Variants in MAGI2 observed in about 807,000 individuals in gnomAD.
The protein encoded by MAGI2 is membrane associated guanylate kinase, WW and PDZ domain containing 2, also known as membrane-associated guanylate kinase, WW and PDZ domain-containing protein 2.
In MAGI2, 35 loss-of-function variants were observed where a neutral mutation model predicts 133.3. The observed-to-expected ratio is 0.26, with a 90% CI of 0.20 to 0.35. MAGI2 has a LOEUF of 0.35. Among genes scored for constraint, MAGI2 ranks in the 10% least tolerant of loss-of-function variants. The pLI is 1.00. For missense variants in MAGI2, 1,636 were observed against 1,863.4 expected (o/e 0.88, Z 2.25); for synonymous variants, 729 against 710.6 (o/e 1.03, Z -0.41).
At chr7:78,184,811 A>G (rs1827529027) in intron 13 of MAGI2, among the ~76,000 whole-genome samples, 1 of 152,236 alleles carries the variant, frequency 6.6e-6, no homozygotes, top group Non-Finnish European at 1.5e-5. Flanking sequence ...AAAGCTCTTA[A>G]AATTAAAATA....
At chr7:78,982,318 A>G (rs1251914959) in intron 2 of MAGI2, among the ~76,000 whole-genome samples, 2 of 151,934 alleles carry the variant, frequency 1.3e-5, no homozygotes. Context: ...CAAATTCTTC[A>G]TCTATCTAAG....
intron 2 of MAGI2, among the ~76,000 whole-genome samples, chr7:78,865,999 G>A (rs953883956): frequency 1.3e-5 from 2 of 152,040 alleles, no homozygotes; most frequent in African/African-American, 4.8e-5. Flanking sequence ...TTGACAATTT[G>A]TTTCTTAGAA....
At chr7:79,128,165 G>T (rs1820599416) in intron 1 of MAGI2, among the ~76,000 whole-genome samples, 3 of 151,868 alleles carry the variant, frequency 2.0e-5, no homozygotes, top group Admixed American at 2.0e-4. Context: ...CTATATCTCT[G>T]AAACTTAACC....
intron 6 of MAGI2, among the ~76,000 whole-genome samples, chr7:78,421,084 G>A (rs1798749671): frequency 6.6e-6 from 1 of 152,120 alleles, no homozygotes; most frequent in Non-Finnish European, 1.5e-5. Flanking sequence ...TGGAGCTGTT[G>A]GCCAAATGTG....
At chr7:79,287,069 G>A (rs556578457) in intron 1 of MAGI2, among the ~76,000 whole-genome samples, 1 of 152,184 alleles carries the variant, frequency 6.6e-6, no homozygotes, top group African/African-American at 2.4e-5. Flanking sequence ...TGGTGCAGGA[G>A]TTTCCTATCT....
chr7:79,299,588 C>T (rs1036849138), intron 1 of MAGI2, among the ~76,000 whole-genome samples: 3 of 137,788 alleles, frequency 2.2e-5, no homozygotes, highest in African/African-American at 7.9e-5. Context: ...TCTTTATTGT[C>T]CAAGGCATTC....
At chr7:78,441,832 C>A (rs1172340019) in intron 6 of MAGI2, among the ~76,000 whole-genome samples, 1 of 152,114 alleles carries the variant, frequency 6.6e-6, no homozygotes, top group Non-Finnish European at 1.5e-5. Context: ...GTTAGATATA[C>A]CTGTTGCAGA....
intron 6 of MAGI2, among the ~76,000 whole-genome samples, chr7:78,448,747 T>C (rs1310428466): frequency 6.6e-6 from 1 of 152,102 alleles, no homozygotes; most frequent in East Asian, 1.9e-4. Flanking sequence ...CATATATATT[T>C]ATGTGTAGGC....
chr7:79,375,598 T>C (rs1236593955), intron 1 of MAGI2, among the ~76,000 whole-genome samples: 1 of 134,154 alleles, frequency 7.5e-6, no homozygotes, highest in African/African-American at 3.0e-5. Flanking sequence ...GCCCATTTGG[T>C]CTTCAGGAAA....
In MAGI2 at chr7:78,208,949, G is replaced by A. The variant is rs927170987; in HGVS notation, c.2048-7756C>T. On this transcript the variant is annotated intron_variant, in intron 10 of 21. Transcript: ENST00000354212. ...TTTTAAGACAGGAACCTGGCCGGGCGCGGTGGCTCACGCCTGTAATCCCAG... is the reference window on the plus strand; with the variant it reads ...TTTTAAGACAGGAACCTGGCCGGGCACGGTGGCTCACGCCTGTAATCCCAG... Among the ~76,000 whole-genome samples, 15 of 151,860 alleles carry A rather than the reference G, an allele frequency of 9.9e-5. No individual in the cohort carries two copies. In the East Asian group the frequency reaches 9.9e-4, roughly 10 times the overall value.
rs1452302324 is a variant in MAGI2 at position 78,019,371 on chromosome 7, C to T, written c.4312G>A (p.Gly1438Ser). 2 of 1,445,470 alleles carry T rather than the reference C, an allele frequency of 1.4e-6. No individual in the cohort carries two copies. Among genetic ancestry groups the T allele is most frequent in the South Asian group, 1.3e-5 (1 of 74,228 alleles). 89.5% of individuals were successfully genotyped at this position (1,445,470 alleles called of 1,614,324 possible). A position where few individuals can be genotyped will look rare whatever the true frequency, so the allele number is the denominator to read the frequency against. ...AVAPGPWKVP[G>S]SDKLPSVLKP... is the part of the protein sequence containing the mutation. ...AGGACGCTGGGCAGCTTGTCAGAAC[C>T]CGGCACCTTCCAGGGCCCCGGCGCG... The change falls in exon 22 of 22, where the codon GGT becomes AGT. Residue 1438 changes from glycine to serine, a missense_variant. By Grantham distance (56) the Gly-to-Ser change is moderately conservative. This residue lies in a region of MAGI2 where 354 missense variants were observed against 298.7 expected (regional missense o/e 1.19). Coordinates refer to ENST00000354212, the MANE Select transcript of MAGI2 (RefSeq NM_012301.4).
intron 1 of MAGI2, among the ~76,000 whole-genome samples, chr7:79,195,872 A>C (rs1828036939): frequency 6.6e-6 from 1 of 151,950 alleles, no homozygotes; most frequent in East Asian, 1.9e-4. Context: ...ACAGAAAGAC[A>C]AACACTGCAT....
At chr7:78,326,788 C>T (rs566153569) in intron 9 of MAGI2, among the ~76,000 whole-genome samples, 1 of 152,186 alleles carries the variant, frequency 6.6e-6, no homozygotes, top group East Asian at 1.9e-4. Context: ...CATTAAAGCC[C>T]CAACACCAAA....
At chr7:78,884,132 C>T (rs1796088295) in intron 2 of MAGI2, among the ~76,000 whole-genome samples, 1 of 152,008 alleles carries the variant, frequency 6.6e-6, no homozygotes, top group South Asian at 2.1e-4. Flanking sequence ...TATTCAGAAT[C>T]TATAAAAAAC....
At chr7:78,603,753 C>A (rs1241932301) in intron 3 of MAGI2, among the ~76,000 whole-genome samples, 1 of 152,066 alleles carries the variant, frequency 6.6e-6, no homozygotes, top group African/African-American at 2.4e-5. Flanking sequence ...GAACTTGTGA[C>A]CTCGTGATTT....
intron 1 of MAGI2, among the ~76,000 whole-genome samples, chr7:79,294,060 G>A (rs1050144554): frequency 1.3e-5 from 2 of 151,430 alleles, no homozygotes; most frequent in African/African-American, 2.4e-5. Flanking sequence ...GCGTGAGTCT[G>A]TAATCCCCTC....
intron 8 of MAGI2, among the ~76,000 whole-genome samples, chr7:78,344,716 AAC>A (rs1389796065): frequency 6.6e-6 from 1 of 152,210 alleles, no homozygotes; most frequent in African/African-American, 2.4e-5. Flanking sequence ...ATGTAAAGGT[AAC>A]ACATTTTGTC....
In MAGI2 at chr7:79,340,783, C is replaced by A. The variant is rs191546875; in HGVS notation, c.301+112237G>T. Reference sequence around the variant, plus strand: ...GTGTGTATATGAATGTCCAGAAGTGCCTTTGGGCTTCATAACTCAATAAAT... The same window carrying A: ...GTGTGTATATGAATGTCCAGAAGTGACTTTGGGCTTCATAACTCAATAAAT... On this transcript the variant is annotated intron_variant, in intron 1 of 21. Coordinates refer to ENST00000354212, the MANE Select transcript of MAGI2 (RefSeq NM_012301.4). Among the ~76,000 whole-genome samples the A allele has an allele frequency of 1.6e-4, 24 of 152,036 alleles. No individual in the cohort carries two copies. In the East Asian group the frequency reaches 4.3e-3, roughly 27 times the overall value.
chr7:78,123,461 A>G (rs1198301055), intron 20 of MAGI2, among the ~76,000 whole-genome samples: 1 of 152,226 alleles, frequency 6.6e-6, no homozygotes. Flanking sequence ...AAGAACAATT[A>G]TAACAAAATG....
Sources: gnomAD v4.1 joint callset for allele counts (sites outside exome capture counted in the v4.1 genomes callset) on GRCh38, gnomAD v4.1.1 for gene constraint, gnomAD v4.1.1 regional missense constraint, MANE v1.5 for transcripts, NCBI Gene and HGNC (gene_info 2026-07-23, HGNC 2026-07-21) for gene names.